IL36G: variants seen among roughly 807,000 people sequenced by gnomAD.
The protein encoded by IL36G is interleukin 36 gamma, also known as interleukin-36 gamma.
In IL36G, 10 loss-of-function variants were observed where a neutral mutation model predicts 13.5. That is an observed-to-expected ratio of 0.74 (90% CI 0.46 to 1.26). IL36G has a LOEUF of 1.26. Among genes scored for constraint, IL36G ranks in the 50% most tolerant of loss-of-function variants. The pLI is 0.00. For synonymous variants in IL36G, 84 were observed against 74.0 expected, an observed-to-expected ratio of 1.13 and a Z score of -0.69; for missense variants, 199 against 203.0, an observed-to-expected ratio of 0.98 and a Z score of 0.12.
chr2:112,983,140 T>C (rs1684296026), intron 4 of IL36G, among the ~76,000 whole-genome samples: 1 of 152,126 alleles, frequency 6.6e-6, no homozygotes, highest in Non-Finnish European at 1.5e-5. Context: ...GGGTGCCATG[T>C]GCTGGGAGCC....
At chr2:112,979,881 G>C (rs1307322482) in intron 3 of IL36G, 128 bp from the exon 4 acceptor site, 72 of 790,850 alleles carry the variant, frequency 9.1e-5, no homozygotes, top group Middle Eastern at 6.1e-4. Flanking sequence ...TGGCCATTTG[G>C]TGGGTCTAGT....
At chr2:112,978,363 G>T (rs1285791484) in intron 1 of IL36G, among the ~76,000 whole-genome samples, 1 of 152,198 alleles carries the variant, frequency 6.6e-6, no homozygotes, top group East Asian at 1.9e-4. Flanking sequence ...CAAATTTTAT[G>T]CCTGGCCTTC....
At position 112,985,356 on chromosome 2, in the gene IL36G, G is replaced by A. The variant is rs1684332483; in HGVS notation, c.*307G>A. ...AGACCAAACACTGAGCTTTCTTCTA[G>A]GGGTGGGTATGAAGATGCTTCAGAG... On this transcript the variant is annotated 3_prime_UTR_variant, in exon 5 of 5. Coordinates refer to ENST00000259205, the MANE Select transcript of IL36G (RefSeq NM_019618.4). 1 of 330,522 alleles carries A rather than the reference G, an allele frequency of 3.0e-6. No individual in the cohort carries two copies. Among genetic ancestry groups the A allele is most frequent in the Non-Finnish European group, 5.7e-6 (1 of 176,990 alleles). 20.5% of individuals were successfully genotyped at this position (330,522 alleles called of 1,614,324 possible). A position where few individuals can be genotyped will look rare whatever the true frequency, so the allele number is the denominator to read the frequency against.
chr2:112,981,127 C>T, intron 4 of IL36G: 2 of 949,804 alleles, frequency 2.1e-6, no homozygotes, highest in South Asian at 2.6e-5. Context: ...ACTGTACAGT[C>T]ACCAGAAGTA....
chr2:112,985,249 G>A lies in IL36G; in HGVS notation c.*200G>A. The A allele has an allele frequency of 3.5e-6, 2 of 564,796 alleles. No individual in the cohort carries two copies. Among genetic ancestry groups the A allele is most frequent in the East Asian group, 3.0e-5 (1 of 33,240 alleles). 35.0% of individuals were successfully genotyped at this position (564,796 alleles called of 1,614,324 possible). A position where few individuals can be genotyped will look rare whatever the true frequency, so the allele number is the denominator to read the frequency against. On this transcript the variant is annotated 3_prime_UTR_variant, in exon 5 of 5. Coordinates refer to ENST00000259205, the MANE Select transcript of IL36G (RefSeq NM_019618.4). ...ACAGGATGTGGCCTCAGAAGCAGGA[G>A]AGCTGGGTGGTATAAGGCTGTCCTC...
chr2:112,978,703 A>G lies in IL36G; in HGVS notation c.55+10A>G, dbSNP rs758024889. 6 of 1,613,872 alleles carry G rather than the reference A, an allele frequency of 3.7e-6. No homozygotes were observed. The highest frequency in any genetic ancestry group is 5.1e-6 in the Non-Finnish European group (6 of 1,179,894). ...GCCGTCTATCAATCAAGTGAATCAA[A>G]TGCTGTTGGGATGGGGCTCTGGAGG... On this transcript the variant is annotated intron_variant, in intron 2 of 4. Coordinates refer to ENST00000259205, the MANE Select transcript of IL36G (RefSeq NM_019618.4).
In IL36G at chr2:112,985,368, A is replaced by G; in HGVS notation, c.*319A>G. 1 of 311,614 alleles carries G rather than the reference A, an allele frequency of 3.2e-6. No homozygotes were observed. Among genetic ancestry groups the G allele is most frequent in the Non-Finnish European group, 6.0e-6 (1 of 165,412 alleles). 19.3% of individuals were successfully genotyped at this position (311,614 alleles called of 1,614,324 possible). A position where few individuals can be genotyped will look rare whatever the true frequency, so the allele number is the denominator to read the frequency against. Reference sequence around the variant, plus strand: ...GAGCTTTCTTCTAGGGGTGGGTATGAAGATGCTTCAGAGCTCATGCGCGTT... The same window carrying G: ...GAGCTTTCTTCTAGGGGTGGGTATGGAGATGCTTCAGAGCTCATGCGCGTT... On this transcript the variant is annotated 3_prime_UTR_variant, in exon 5 of 5. Transcript: ENST00000259205.
At chr2:112,979,165 A>G in intron 2 of IL36G, 56 bp from the exon 3 acceptor site, 1 of 1,160,634 alleles carries the variant, frequency 8.6e-7, no homozygotes, top group Non-Finnish European at 1.3e-6. Flanking sequence ...TCCTGGGTCT[A>G]GTAAAGCAGC....
chr2:112,984,917 G>A lies in IL36G; in HGVS notation c.378G>A (p.Arg126=), dbSNP rs777492784. 1.9e-6 allele frequency: 3 copies of A among 1,614,000 alleles called. No homozygotes were observed. The highest frequency in any genetic ancestry group is 1.7e-5 in the Admixed American group (1 of 60,002). The stretch of plus-strand genomic sequence containing the variant: ...TTTTCTACCGTGCCAAGACTGGTAG[G>A]ACCTCCACCCTTGAGTCTGTGGCCT... ...PFLFYRAKTG[R]TSTLESVAFP... is the part of the protein sequence containing the mutation. Residue 126 remains arginine (R), a synonymous_variant, in exon 5 of 5, where the codon AGG becomes AGA. Coordinates refer to ENST00000259205, the MANE Select transcript of IL36G (RefSeq NM_019618.4).
intron 4 of IL36G, chr2:112,981,221 T>G (rs1684255671): frequency 1.5e-6 from 2 of 1,342,780 alleles, no homozygotes; most frequent in Non-Finnish European, 2.1e-6. Flanking sequence ...GGCATCTCTA[T>G]TTTCTGCAGA....
At chr2:112,981,034 T>G in intron 4 of IL36G, 1 of 623,354 alleles carries the variant, frequency 1.6e-6, no homozygotes, top group Non-Finnish European at 2.9e-6. Flanking sequence ...TGAAGTGTTC[T>G]GGGTGCTAAC....
chr2:112,980,837 A>C (rs1001856171), intron 4 of IL36G, among the ~76,000 whole-genome samples: 8 of 152,216 alleles, frequency 5.3e-5, no homozygotes, highest in African/African-American at 1.9e-4. Context: ...CATAAAAATG[A>C]ATTTATTTTC....
intron 4 of IL36G, among the ~76,000 whole-genome samples, chr2:112,984,472 A>G (rs750429903): frequency 5.3e-5 from 8 of 152,124 alleles, no homozygotes; most frequent in Non-Finnish European, 1.0e-4. Flanking sequence ...CTTGCAGGGT[A>G]GTGACTCTCA....
At chr2:112,980,222 T>TA (rs1684239773) in intron 4 of IL36G, 74 bp downstream of exon 4, 5 of 1,277,942 alleles carry the variant, frequency 3.9e-6, no homozygotes, top group Non-Finnish European at 2.2e-6. Context: ...ATTTTAGAAT[T>TA]AAAAAAGAAA....
chr2:112,978,586 T>C, intron 1 of IL36G, 34 bp from the exon 2 acceptor site: 1 of 1,549,742 alleles, frequency 6.5e-7, no homozygotes, highest in Non-Finnish European at 8.9e-7. Context: ...GAAACATCTC[T>C]TGTGGTTCAT....
At position 112,985,156 on chromosome 2, in the gene IL36G, G is replaced by A. The variant is rs1014568531; in HGVS notation, c.*107G>A. ...CATTTTCACGCTGGTGCTGAGACAG[G>A]GGCAAGGCTGCTGTTATCATCTCAT... On this transcript the variant is annotated 3_prime_UTR_variant, in exon 5 of 5. Transcript: ENST00000259205. 6.8e-6 allele frequency: 5 copies of A among 735,194 alleles called. No individual in the cohort carries two copies. Among genetic ancestry groups the A allele is most frequent in the Non-Finnish European group, 1.1e-5 (5 of 446,902 alleles). The allele number at this position is 735,194 out of a possible 1,614,324, so 45.5% of individuals were successfully genotyped here.
chr2:112,982,553 G>A (rs1041162023), intron 4 of IL36G, among the ~76,000 whole-genome samples: 1 of 152,184 alleles, frequency 6.6e-6, no homozygotes, highest in Non-Finnish European at 1.5e-5. Flanking sequence ...AGGTGGTCTA[G>A]GTGTGATTTG....
intron 4 of IL36G, chr2:112,981,072 A>C: frequency 1.4e-6 from 1 of 726,988 alleles, no homozygotes; most frequent in Admixed American, 2.0e-5. Context: ...AAAGTAAAAC[A>C]AAATTCTGCA....
chr2:112,981,406 G>A, intron 4 of IL36G: 1 of 722,554 alleles, frequency 1.4e-6, no homozygotes, highest in Non-Finnish European at 2.5e-6. Flanking sequence ...ATCTCCTTCA[G>A]CATCCCCTTC....
Sources: allele counts gnomAD v4.1 joint callset (sites outside exome capture counted in the v4.1 genomes callset), GRCh38; gene constraint gnomAD v4.1.1; transcripts MANE v1.5; gene names NCBI Gene and HGNC (gene_info 2026-07-23, HGNC 2026-07-21).